Variants in JAML observed in about 807,000 individuals in gnomAD.
JAML encodes junction adhesion molecule like.
Under a neutral mutation model 39.3 loss-of-function variants are expected in JAML, and 25 were observed. The observed-to-expected ratio is 0.64, with a 90% CI of 0.46 to 0.89. JAML has a LOEUF of 0.89. JAML is among the 40% of genes least tolerant of loss of function. The pLI, the probability that JAML is intolerant of heterozygous loss-of-function variation, is 0.00. For missense variants in JAML, 440 were observed against 486.9 expected (o/e 0.90, Z 0.91); for synonymous variants, 162 against 179.2 (o/e 0.90, Z 0.77).
At chr11:118,214,951 A>ATTT in intron 1 of JAML, 65 bp from the exon 2 acceptor site, 1 of 1,446,070 alleles carries the variant, frequency 6.9e-7, no homozygotes, top group Non-Finnish European at 9.7e-7. Context: ...TAAAAAACCA[A>ATTT]TAGTGAAGGA....
chr11:118,195,863 GCT>G (rs2134638356), intron 9 of JAML, among the ~76,000 whole-genome samples: 1 of 152,168 alleles, frequency 6.6e-6, no homozygotes, highest in East Asian at 1.9e-4. Context: ...CAGGAGTCTC[GCT>G]CTGTTTCCCA....
intron 4 of JAML, 26 bp downstream of exon 4, chr11:118,210,461 C>A (rs1949026893): frequency 6.2e-7 from 1 of 1,610,480 alleles, no homozygotes; most frequent in Non-Finnish European, 8.5e-7. Flanking sequence ...GCCCCTTGGC[C>A]CCTCTTTAAG....
rs576425580 is a variant in JAML, at chr11:118,196,314, G to A, written c.1092+421C>T. 5.9e-5 allele frequency among the ~76,000 whole-genome samples: 9 copies of A among 152,030 alleles called. No homozygotes were observed. The South Asian group carries it at 1.9e-3, about 32-fold the overall frequency. ...GGCCAATTTTTGTATTTTTAGTAGA[G>A]AGGGAGTTTTGCCACATTGGCCAGG... On this transcript the variant is annotated intron_variant, in intron 9 of 9. Transcript: ENST00000356289.
chr11:118,204,244 G>A (rs1612098), intron 5 of JAML: 10,536 of 157,326 alleles, frequency 0.067, 1,224 homozygotes, highest in African/African-American at 0.24. Context: ...ATACCATTCT[G>A]GTCCAGCTCA....
At chr11:118,196,860 G>C (rs1477417623) in intron 8 of JAML, 39 bp from the exon 9 acceptor site, 2 of 1,533,296 alleles carry the variant, frequency 1.3e-6, no homozygotes, top group South Asian at 2.2e-5. Context: ...CTAAAAATTA[G>C]ATGAATCTTA....
At chr11:118,199,611 T>C (rs1487806552) in intron 7 of JAML, among the ~76,000 whole-genome samples, 1 of 152,036 alleles carries the variant, frequency 6.6e-6, no homozygotes, top group Non-Finnish European at 1.5e-5. Context: ...AGTGTCCCTG[T>C]TGGAGCATCT....
At position 118,214,817 on chromosome 11, in the gene JAML, T is replaced by C; in HGVS notation, c.43+7A>G. The stretch of plus-strand genomic sequence containing the variant: ...ATACCCCACGGAGTCCCTTAGCTTC[T>C]ACTTACCCAGTAACACTGGCAGCAG... On this transcript the variant is annotated splice_region_variant and intron_variant, in intron 2 of 9. Coordinates refer to ENST00000356289, the MANE Select transcript of JAML (RefSeq NM_001098526.2). The C allele has an allele frequency of 1.2e-6, 2 of 1,613,972 alleles. No individual in the cohort carries two copies. Among genetic ancestry groups the C allele is most frequent in the Non-Finnish European group, 1.7e-6 (2 of 1,179,832 alleles).
chr11:118,203,395 T>C, intron 6 of JAML, 33 bp downstream of exon 6: 2 of 1,585,920 alleles, frequency 1.3e-6, no homozygotes, highest in Non-Finnish European at 8.7e-7. Context: ...AGCCAGGAGG[T>C]CCCTCAATGC....
At chr11:118,194,656 A>G (rs1948617005) in intron 9 of JAML, among the ~76,000 whole-genome samples, 1 of 152,194 alleles carries the variant, frequency 6.6e-6, no homozygotes, top group Non-Finnish European at 1.5e-5. Context: ...TGCAACACAG[A>G]GTTAGAATTT....
intron 4 of JAML, among the ~76,000 whole-genome samples, chr11:118,209,755 T>C (rs185198575): frequency 6.6e-6 from 1 of 152,248 alleles, no homozygotes; most frequent in Admixed American, 6.5e-5. Context: ...TTGCCCAAGC[T>C]AGTCTCAAAC....
rs1014267078 is a variant in JAML at position 118,194,039 on chromosome 11, G to T, written c.*286C>A. 2.7e-6 allele frequency: 1 copy of T among 371,166 alleles called. No individual in the cohort carries two copies. The highest frequency in any genetic ancestry group is 5.1e-6 in the Non-Finnish European group (1 of 196,328). The allele number at this position is 371,166 out of a possible 1,614,324, so 23.0% of individuals were successfully genotyped here. ...AAGAACCCTGCCCACAGGAGGGTCT[G>T]ATCCAACGGGGGGTTTGAGGCCACT... On this transcript the variant is annotated 3_prime_UTR_variant, in exon 10 of 10. Coordinates refer to ENST00000356289, the MANE Select transcript of JAML (RefSeq NM_001098526.2).
intron 8 of JAML, 101 bp from the exon 9 acceptor site, chr11:118,196,922 A>G: frequency 1.1e-6 from 1 of 901,854 alleles, no homozygotes; most frequent in South Asian, 1.3e-5. Context: ...CGACCACCCA[A>G]ACTGCTGGTT....
At chr11:118,221,280 G>A (rs1232393228) in intron 1 of JAML, among the ~76,000 whole-genome samples, 5 of 152,004 alleles carry the variant, frequency 3.3e-5, no homozygotes, top group African/African-American at 4.8e-5. Context: ...AACTCCTCCC[G>A]GAAAAAAACA....
At chr11:118,205,695 CT>C (rs911803508) in intron 5 of JAML, 186 bp downstream of exon 5, 30 of 583,578 alleles carry the variant, frequency 5.1e-5, no homozygotes, top group African/African-American at 4.7e-4. Context: ...TCATCATCTT[CT>C]TGTTCTTGTT....
At chr11:118,197,862 C>T in intron 8 of JAML, 136 bp downstream of exon 8, 1 of 778,290 alleles carries the variant, frequency 1.3e-6, no homozygotes, top group Non-Finnish European at 2.1e-6. Context: ...GTGACAAAGG[C>T]TTCCTGAGTC....
intron 4 of JAML, among the ~76,000 whole-genome samples, chr11:118,206,908 A>G (rs1048739210): frequency 3.3e-5 from 5 of 152,218 alleles, no homozygotes; most frequent in African/African-American, 1.2e-4. Context: ...GGTGGTGTAT[A>G]AGGAAGACAC....
At chr11:118,209,211 G>GA (rs1948990087) in intron 4 of JAML, 1 of 228,386 alleles carries the variant, frequency 4.4e-6, no homozygotes, top group Non-Finnish European at 8.8e-6. Flanking sequence ...TCAAAGAGGC[G>GA]AAAAAAACTT....
At chr11:118,214,192 T>C (rs1949110418) in intron 2 of JAML, among the ~76,000 whole-genome samples, 1 of 152,048 alleles carries the variant, frequency 6.6e-6, no homozygotes, top group Non-Finnish European at 1.5e-5. Context: ...TAGAAACCAG[T>C]GGAGATGAGC....
intron 3 of JAML, among the ~76,000 whole-genome samples, chr11:118,211,824 G>C (rs1402542693): frequency 6.6e-6 from 1 of 151,964 alleles, no homozygotes; most frequent in Non-Finnish European, 1.5e-5. Flanking sequence ...AAAGAACCTC[G>C]CCCACCATGC....
Sources: gnomAD v4.1 joint callset for allele counts (sites outside exome capture counted in the v4.1 genomes callset) on GRCh38, gnomAD v4.1.1 for gene constraint, MANE v1.5 for transcripts, NCBI Gene and HGNC (gene_info 2026-07-23, HGNC 2026-07-21) for gene names.